Variants in POLR1A observed in about 807,000 individuals in gnomAD.
POLR1A encodes RNA polymerase I subunit A.
In POLR1A, 84 loss-of-function variants were observed where a neutral mutation model predicts 205.3. That is an observed-to-expected ratio of 0.41 (90% CI 0.34 to 0.49). POLR1A has a LOEUF of 0.49. POLR1A is among the 20% of genes least tolerant of loss of function. POLR1A has a pLI of 0.22. For missense variants in POLR1A, 1,645 were observed against 2,204.5 expected (o/e 0.75, Z 5.08); for synonymous variants, 799 against 863.7 (o/e 0.93, Z 1.31).
intron 24 of POLR1A, among the ~76,000 whole-genome samples, chr2:86,041,149 C>CTGTGTGTGTGTGTGTGTGTG (rs756415592): frequency 2.0e-4 from 25 of 122,352 alleles, no homozygotes; most frequent in African/African-American, 7.6e-4. Flanking sequence ...CTGAGCTACA[C>CTGTGTGTGTGTGTGTGTGTG]TGTGTGTGTG....
At chr2:86,068,189 T>C (rs1292721818) in intron 13 of POLR1A, among the ~76,000 whole-genome samples, 1 of 152,142 alleles carries the variant, frequency 6.6e-6, no homozygotes, top group East Asian at 1.9e-4. Flanking sequence ...CCCACATAGC[T>C]AATGCCTCAG....
At chr2:86,063,450 A>T (rs1673035427) in intron 14 of POLR1A, among the ~76,000 whole-genome samples, 1 of 151,996 alleles carries the variant, frequency 6.6e-6, no homozygotes, top group Non-Finnish European at 1.5e-5. Context: ...AATAATATGA[A>T]TACTGTACTA....
At chr2:86,051,896 C>A (rs1485183903) in intron 16 of POLR1A, among the ~76,000 whole-genome samples, 1 of 152,216 alleles carries the variant, frequency 6.6e-6, no homozygotes, top group Non-Finnish European at 1.5e-5. Context: ...CTTAGGATCA[C>A]CCCGACAGGT....
intron 3 of POLR1A, among the ~76,000 whole-genome samples, chr2:86,093,191 C>T (rs1030642048): frequency 1.3e-5 from 2 of 152,126 alleles, no homozygotes; most frequent in African/African-American, 4.8e-5. Context: ...TACAAAGGAG[C>T]TTCCTTAATC....
Position 86,027,336 on chromosome 2 carries a change from T to C in POLR1A, c.*87A>G, listed in dbSNP as rs2104375574. 3 of 1,062,300 alleles carry C rather than the reference T, an allele frequency of 2.8e-6. No individual in the cohort carries two copies. The highest frequency in any genetic ancestry group is 4.5e-4 in the Middle Eastern group (2 of 4,442). The allele number at this position is 1,062,300 out of a possible 1,614,324, so 65.8% of individuals were successfully genotyped here. A position where few individuals can be genotyped will look rare whatever the true frequency, so the allele number is the denominator to read the frequency against. ...CACTTGGAACTGCCCTGGATTCCAG[T>C]CTCCTGGTCCTCTCATGCAGAAGGC... is the stretch of plus-strand genomic sequence containing the variant. On this transcript the variant is annotated 3_prime_UTR_variant, in exon 34 of 34. Coordinates refer to ENST00000263857, the MANE Select transcript of POLR1A (RefSeq NM_015425.6).
At position 86,053,014 on chromosome 2, in the gene POLR1A, G is replaced by A. The variant is rs751655509; in HGVS notation, c.2209-14C>T. 7 of 1,545,292 alleles carry A rather than the reference G, an allele frequency of 4.5e-6. No individual in the cohort carries two copies. Among genetic ancestry groups the A allele is most frequent in the Non-Finnish European group, 5.3e-6 (6 of 1,142,390 alleles). ...CCTGATGATCACCTGCAGAGGGCAA[G>A]GCCACCAATGCCGGGCTGCGGGTGA... is the stretch of plus-strand genomic sequence containing the variant. On this transcript the variant is annotated splice_polypyrimidine_tract_variant and intron_variant, in intron 15 of 33. Transcript: ENST00000263857.
At chr2:86,050,226 C>G (rs186856063) in intron 16 of POLR1A, among the ~76,000 whole-genome samples, 2 of 152,258 alleles carry the variant, frequency 1.3e-5, no homozygotes, top group African/African-American at 4.8e-5. Context: ...AAAACTAGTT[C>G]TTTTCTGCAA....
At position 86,080,828 on chromosome 2, in the gene POLR1A, G is replaced by A; in HGVS notation, c.1074C>T (p.Pro358=). The A allele has an allele frequency of 6.2e-7, 1 of 1,612,106 alleles. No homozygotes were observed. Among genetic ancestry groups the A allele is most frequent in the Non-Finnish European group, 8.5e-7 (1 of 1,178,920 alleles). ...GAGCAGCCCTGACCTCATCTGTAGT[G>A]GGTGTGGCCACTTCCTCTGGCAACT... The part of the protein sequence containing the change: ...EQKLPEEVAT[P]TTDEEKDSLI... The change falls in exon 9 of 34, where the codon CCC becomes CCT. Residue 358 remains proline (P), a synonymous_variant. Coordinates refer to ENST00000263857, the MANE Select transcript of POLR1A (RefSeq NM_015425.6).
chr2:86,043,425 GGA>G (rs1453002760), intron 22 of POLR1A, among the ~76,000 whole-genome samples: 3 of 152,130 alleles, frequency 2.0e-5, no homozygotes, highest in Non-Finnish European at 2.9e-5. Flanking sequence ...GGGAGCAGAG[GGA>G]GACACAGGAA....
At chr2:86,062,637 A>C (rs1673017107) in intron 14 of POLR1A, among the ~76,000 whole-genome samples, 1 of 151,962 alleles carries the variant, frequency 6.6e-6, no homozygotes. Context: ...GACTTAAAGA[A>C]CTTAAAGAAC....
At position 86,077,923 on chromosome 2, in the gene POLR1A, T is replaced by C; in HGVS notation, c.1316A>G (p.Tyr439Cys). 6.2e-7 allele frequency: 1 copy of C among 1,613,932 alleles called. No individual in the cohort carries two copies. The highest frequency in any genetic ancestry group is 8.5e-7 in the Non-Finnish European group (1 of 1,179,942). ...TGGGCAGATGACTGAGCGCGCAGCGTAGTCCACTCGCTTTCCCATCATGTG... is the reference window on the plus strand; with the variant it reads ...TGGGCAGATGACTGAGCGCGCAGCGCAGTCCACTCGCTTTCCCATCATGTG... ...RKHMMGKRVD[Y>C]AARSVICPDM... Residue 439 changes from tyrosine (Y) to cysteine (C), a missense_variant, in exon 11 of 34, where the codon TAC becomes TGC. By Grantham distance (194) the Tyr-to-Cys change is radical. Around this residue, in one of 16 missense-constraint regions of POLR1A, gnomAD observed 131 missense variants for 214.5 expected, o/e 0.61. Transcript: ENST00000263857.
intron 13 of POLR1A, among the ~76,000 whole-genome samples, chr2:86,066,485 T>C (rs1673086347): frequency 6.6e-6 from 1 of 152,186 alleles, no homozygotes; most frequent in Non-Finnish European, 1.5e-5. Context: ...GAAGTAAAAA[T>C]AGCTATGCTC....
chr2:86,044,229 C>A lies in POLR1A; in HGVS notation c.3045G>T (p.Val1015=), dbSNP rs1314849540. ...LTVRDSDGSV[V]QFLYGEDGLD... ...GGCCATCCTCCCCATACAGGAACTG[C>A]ACCACACTGCCGTCACTGTCACGGA... The change falls in exon 22 of 34, where the codon GTG becomes GTT. Residue 1015 remains valine (V), a synonymous_variant. Coordinates refer to ENST00000263857, the MANE Select transcript of POLR1A (RefSeq NM_015425.6). 6.2e-7 allele frequency: 1 copy of A among 1,614,074 alleles called. No homozygotes were observed. The highest frequency in any genetic ancestry group is 1.3e-5 in the African/African-American group (1 of 74,936).
At position 86,089,850 on chromosome 2, in the gene POLR1A, T is replaced by C; in HGVS notation, c.512A>G (p.Asn171Ser). ...LEQYTTEIVQ[N>S]NLLGSQGAHV... is the part of the protein sequence containing the mutation. Reference sequence around the variant, plus strand: ...TGCGCCCTGGGACCCCAGGAGGTTGTTCTGCACAATTTCAGTTGTGTATTG... The same window carrying C: ...TGCGCCCTGGGACCCCAGGAGGTTGCTCTGCACAATTTCAGTTGTGTATTG... The change falls in exon 4 of 34, where the codon AAC becomes AGC. Residue 171 changes from asparagine (N) to serine (S), a missense_variant. Transcript: ENST00000263857. The C allele has an allele frequency of 1.2e-6, 2 of 1,611,790 alleles. No homozygotes were observed. The highest frequency in any genetic ancestry group is 2.2e-5 in the East Asian group (1 of 44,878).
At position 86,105,613 on chromosome 2, in the gene POLR1A, G is replaced by C. The variant is rs1673912052; in HGVS notation, c.77+87C>G. The C allele has an allele frequency of 1.6e-5, 14 of 856,678 alleles. No homozygotes were observed. In the Admixed American group the frequency reaches 2.6e-4, roughly 16 times the overall value. The allele number at this position is 856,678 out of a possible 1,614,324, so 53.1% of individuals were successfully genotyped here. A position where few individuals can be genotyped will look rare whatever the true frequency, so the allele number is the denominator to read the frequency against. Reference sequence around the variant, plus strand: ...AGACAAGCCTGGACTCAAGAGGATAGACTGGGCAAAAGCGCTTCTGGGAAT... The same window carrying C: ...AGACAAGCCTGGACTCAAGAGGATACACTGGGCAAAAGCGCTTCTGGGAAT... On this transcript the variant is annotated intron_variant, in intron 1 of 33. Transcript: ENST00000263857.
chr2:86,068,338 C>G (rs1032230054), intron 13 of POLR1A, among the ~76,000 whole-genome samples: 22 of 126,638 alleles, frequency 1.7e-4, no homozygotes, highest in Non-Finnish European at 3.1e-4. Flanking sequence ...TTAGTCCCAG[C>G]CTTGGCTGTC....
intron 12 of POLR1A, among the ~76,000 whole-genome samples, chr2:86,074,798 T>G (rs1673248962): frequency 6.6e-6 from 1 of 152,188 alleles, no homozygotes; most frequent in Non-Finnish European, 1.5e-5. Flanking sequence ...GCTCCAGGGC[T>G]GCTGCTGATG....
chr2:86,075,991 T>C (rs1673277397), intron 11 of POLR1A, among the ~76,000 whole-genome samples: 1 of 152,146 alleles, frequency 6.6e-6, no homozygotes, highest in African/African-American at 2.4e-5. Context: ...AGCCCAGACA[T>C]GGCATCGGAA....
At chr2:86,061,858 G>T (rs311587) in intron 14 of POLR1A, among the ~76,000 whole-genome samples, 125,885 of 152,062 alleles carry the variant, frequency 0.83, 52,741 homozygotes, top group Non-Finnish European at 0.89. Flanking sequence ...GCCGTGGAGG[G>T]GTCTTCTGGG....
Sources: allele counts gnomAD v4.1 joint callset (sites outside exome capture counted in the v4.1 genomes callset), GRCh38; gene constraint gnomAD v4.1.1; regional missense constraint gnomAD v4.1.1; transcripts MANE v1.5; gene names NCBI Gene and HGNC (gene_info 2026-07-23, HGNC 2026-07-21).